Variants in RIF1 observed in about 807,000 individuals in gnomAD.
RIF1 encodes the protein replication timing regulatory factor 1, also known as telomere-associated protein RIF1.
In RIF1, 45 loss-of-function variants were observed where a neutral mutation model predicts 247.1. That is an observed-to-expected ratio of 0.18 (90% CI 0.14 to 0.23). The LOEUF (loss-of-function observed/expected upper bound fraction) is 0.23, where lower values mean the gene tolerates loss of function less well. Ranked by LOEUF, RIF1 falls within the 10% of genes least tolerant of loss-of-function variation. The pLI is 1.00. For synonymous variants in RIF1, 1,087 were observed against 978.8 expected (o/e 1.11, Z -2.06); for missense variants, 2,967 against 2,862.5 (o/e 1.04, Z -0.83).
Position 151,465,818 on chromosome 2 carries a change from A to G in RIF1, c.6298A>G (p.Asn2100Asp), listed in dbSNP as rs1385195836. Residue 2100 changes from asparagine to aspartate, a missense_variant, in exon 30 of 36, where the codon AAC (asparagine) becomes GAC (aspartate). By Grantham distance (23) the Asn-to-Asp change is conservative (BLOSUM62 1). This residue lies in a region of RIF1 where 2,028 missense variants were observed against 1,825.6 expected (regional missense o/e 1.11). Coordinates refer to ENST00000444746, the MANE Select transcript of RIF1 (RefSeq NM_018151.5). ...TAGTAAATCTGAAGAAAAATTAGAT[A>G]ACAATCAAATGGTAATGGAAAGTGA... ...EYSKSEEKLDNNQMVMESDIL... is the reference protein window; with the variant it reads ...EYSKSEEKLDDNQMVMESDIL... 2 of 1,613,042 alleles carry G rather than the reference A, an allele frequency of 1.2e-6. No homozygotes were observed. The highest frequency in any genetic ancestry group is 1.7e-5 in the Admixed American group (1 of 60,022).
chr2:151,443,203 AAAAC>A lies in RIF1; in HGVS notation c.1735-52_1735-49del, dbSNP rs1692672347. 6 of 1,122,754 alleles carry A rather than the reference AAAAC, an allele frequency of 5.3e-6. No individual in the cohort carries two copies. The African/African-American group carries it at 7.9e-5, about 15-fold the overall frequency. The allele number at this position is 1,122,754 out of a possible 1,614,324, so 69.5% of individuals were successfully genotyped here. On this transcript the variant is annotated intron_variant, in intron 16 of 35. Coordinates refer to ENST00000444746, the MANE Select transcript of RIF1 (RefSeq NM_018151.5). ...TTATTTCTTAAATAACCAATTATAAAAAACAAATGTTCTATTCTTTGTAACTGAG... is the reference window on the plus strand; with the variant it reads ...TTATTTCTTAAATAACCAATTATAAAAAATGTTCTATTCTTTGTAACTGAG...
Position 151,503,180 on chromosome 2 carries a change from G to A in RIF1, c.*856G>A, listed in dbSNP as rs567143080. The A allele has an allele frequency of 7.1e-5, 43 of 605,910 alleles. No individual in the cohort carries two copies. In the South Asian group the frequency reaches 7.9e-4, roughly 11 times the overall value. 37.5% of individuals were successfully genotyped at this position (605,910 alleles called of 1,614,324 possible). ...TCACTGAAAATGTTCAAGTATAATC[G>A]GAAATGTGAGTCATTTTGTATTAAC... On this transcript the variant is annotated 3_prime_UTR_variant and NMD_transcript_variant, in exon 12 of 14. Coordinates refer to the RIF1 transcript ENST00000454583.
At position 151,449,423 on chromosome 2, in the gene RIF1, CT is replaced by C. The variant is rs200247430; in HGVS notation, c.2245-2176del. Among the ~76,000 whole-genome samples the C allele has an allele frequency of 8.4e-3, 1,283 of 152,122 alleles. 24 individuals are homozygous for C. Among genetic ancestry groups the C allele is most frequent in the African/African-American group, 0.029 (1,223 of 41,514 alleles). Reference sequence around the variant, plus strand: ...GGAATGCCATATCTACAGTTGTATTCTTTTTTTCTTTCTCTCTTTTTCTTTC... The same window carrying C: ...GGAATGCCATATCTACAGTTGTATTCTTTTTTCTTTCTCTCTTTTTCTTTC... On this transcript the variant is annotated intron_variant, in intron 20 of 35. Transcript: ENST00000444746.
At chr2:151,507,140 G>A in intron 13 of RIF1, 1 of 609,590 alleles carries the variant, frequency 1.6e-6, no homozygotes, top group Non-Finnish European at 2.8e-6. Flanking sequence ...CAATAATTAT[G>A]GTCTGGTAGC....
At chr2:151,427,787 C>T (rs939097463) in intron 8 of RIF1, among the ~76,000 whole-genome samples, 2 of 146,352 alleles carry the variant, frequency 1.4e-5, no homozygotes, top group Non-Finnish European at 1.5e-5. Context: ...AAAATTAGGC[C>T]GGCATGGTGG....
chr2:151,445,608 T>C (rs1693125636), intron 19 of RIF1, among the ~76,000 whole-genome samples, 163 bp downstream of exon 19: 1 of 152,122 alleles, frequency 6.6e-6, no homozygotes, highest in African/African-American at 2.4e-5. Context: ...AGTACAGTGG[T>C]GCAATCTCAG....
At chr2:151,449,193 C>G (rs1353283509) in intron 20 of RIF1, among the ~76,000 whole-genome samples, 2 of 152,070 alleles carry the variant, frequency 1.3e-5, no homozygotes, top group Non-Finnish European at 2.9e-5. Flanking sequence ...TACATACTTC[C>G]TTGTATTGAA....
intron 13 of RIF1, among the ~76,000 whole-genome samples, chr2:151,437,789 C>T (rs1691516243): frequency 6.6e-6 from 1 of 152,170 alleles, no homozygotes; most frequent in African/African-American, 2.4e-5. Context: ...ATTTAATTTT[C>T]GCAGTAACAT....
Position 151,497,740 on chromosome 2 carries a change from A to G in RIF1, c.*514-1605A>G, listed in dbSNP as rs1420074082. On this transcript the variant is annotated intron_variant and NMD_transcript_variant, in intron 10 of 13. Coordinates refer to the RIF1 transcript ENST00000454583. The stretch of plus-strand genomic sequence containing the variant: ...ACACCTGTGCGATAAGAAAGCATCC[A>G]GAAAAACAACCATGAGTAACATTTC... 4 of 1,559,888 alleles carry G rather than the reference A, an allele frequency of 2.6e-6. No individual in the cohort carries two copies. In the Admixed American group the frequency reaches 5.8e-5, roughly 23 times the overall value.
Position 151,502,209 on chromosome 2 carries a change from G to GT in RIF1, c.*710-825_*710-824insT, listed in dbSNP as rs200221888. 9.2e-5 allele frequency among the ~76,000 whole-genome samples: 14 copies of GT among 152,110 alleles called. No individual in the cohort carries two copies. In the East Asian group the frequency reaches 2.5e-3, roughly 27 times the overall value. Reference sequence around the variant, plus strand: ...ATAAGAATGATACAGTGAACTTTGGGGACTTGCAGGAAAGAGTGGAAGTGA... The same window carrying GT: ...ATAAGAATGATACAGTGAACTTTGGGTGACTTGCAGGAAAGAGTGGAAGTGA... On this transcript the variant is annotated intron_variant and NMD_transcript_variant, in intron 11 of 13. Transcript: ENST00000454583.
At chr2:151,455,543 C>T (rs1383970952) in intron 22 of RIF1, among the ~76,000 whole-genome samples, 4 of 152,262 alleles carry the variant, frequency 2.6e-5, no homozygotes, top group African/African-American at 9.6e-5. Flanking sequence ...TTCATGGATT[C>T]AACCAACCCT....
At chr2:151,501,466 G>C (rs2153073491) in intron 11 of RIF1, 1 of 1,525,872 alleles carries the variant, frequency 6.6e-7, no homozygotes, top group Admixed American at 2.1e-5. Flanking sequence ...CCTTGCTCAA[G>C]TTCTCTTTGT....
chr2:151,433,034 T>C (rs1218843032), intron 9 of RIF1, 43 bp from the exon 10 acceptor site: 2 of 1,504,350 alleles, frequency 1.3e-6, no homozygotes, highest in Admixed American at 1.8e-5. Flanking sequence ...AGTTAATCTT[T>C]AGCTTGGACG....
At chr2:151,489,380 TG>T (rs144586009) in intron 9 of RIF1, among the ~76,000 whole-genome samples, 4,519 of 152,286 alleles carry the variant, frequency 0.03, 119 homozygotes, top group East Asian at 0.14. Flanking sequence ...TGTATATATG[TG>T]GGCACATTGC....
intron 11 of RIF1, among the ~76,000 whole-genome samples, chr2:151,500,690 A>C (rs2063804970): frequency 7.0e-6 from 1 of 142,632 alleles, no homozygotes; most frequent in Non-Finnish European, 1.5e-5. Context: ...TTGACTTCCT[A>C]GGGTTCAGAT....
intron 27 of RIF1, 123 bp from the exon 28 acceptor site, chr2:151,462,119 C>A (rs773204109): frequency 5.8e-6 from 3 of 520,080 alleles, no homozygotes; most frequent in African/African-American, 4.0e-5. Context: ...GCAGCCCACC[C>A]ACCTCAACCT....
At chr2:151,492,597 G>A in intron 9 of RIF1, 3 of 794,102 alleles carry the variant, frequency 3.8e-6, no homozygotes, top group Non-Finnish European at 5.8e-6. Flanking sequence ...GGGACGCTTG[G>A]GTCAACTGAA....
intron 20 of RIF1, among the ~76,000 whole-genome samples, chr2:151,447,165 G>A (rs1031352777): frequency 2.4e-4 from 37 of 151,564 alleles, no homozygotes; most frequent in Non-Finnish European, 4.9e-4. Context: ...GGATGGTCTC[G>A]ATCTCCTGAC....
At chr2:151,439,840 G>GT (rs1691939033) in intron 14 of RIF1, among the ~76,000 whole-genome samples, 187 bp from the exon 15 acceptor site, 1 of 151,110 alleles carries the variant, frequency 6.6e-6, no homozygotes, top group Non-Finnish European at 1.5e-5. Context: ...AGGCATGGTG[G>GT]TGCACACCTG....
Sources: gnomAD v4.1 joint callset for allele counts (sites outside exome capture counted in the v4.1 genomes callset) on GRCh38, gnomAD v4.1.1 for gene constraint, gnomAD v4.1.1 regional missense constraint, MANE v1.5 for transcripts, NCBI Gene and HGNC (gene_info 2026-07-23, HGNC 2026-07-21) for gene names.